HCN4: variants seen among roughly 807,000 people sequenced by gnomAD.
The protein encoded by HCN4 is hyperpolarization activated cyclic nucleotide gated potassium channel 4.
A neutral mutation model predicts 76.9 loss-of-function variants in HCN4; 29 were observed. That is an observed-to-expected ratio of 0.38 (90% CI 0.28 to 0.51). HCN4 has a LOEUF of 0.51. HCN4 is among the 20% of genes least tolerant of loss of function. HCN4 has a pLI of 0.90. For synonymous variants in HCN4, 772 were observed against 762.5 expected (o/e 1.01, Z -0.21); for missense variants, 1,416 against 1,715.2 (o/e 0.83, Z 3.08).
rs2043141560 is a variant in HCN4 at position 73,368,513 on chromosome 15, G to A, written c.-243C>T. 3.0e-6 allele frequency: 1 copy of A among 327,894 alleles called. No individual in the cohort carries two copies. Among genetic ancestry groups the A allele is most frequent in the South Asian group, 1.5e-4 (1 of 6,736 alleles). The allele number at this position is 327,894 out of a possible 1,614,324, so 20.3% of individuals were successfully genotyped here. A position where few individuals can be genotyped will look rare whatever the true frequency, so the allele number is the denominator to read the frequency against. On this transcript the variant is annotated 5_prime_UTR_variant, in exon 1 of 8. Coordinates refer to ENST00000261917, the MANE Select transcript of HCN4 (RefSeq NM_005477.3). This position sits in a 1 kb window ranked among gnomAD's most constrained non-coding sequence, Gnocchi z 6.9. ...GGGCCCGGCTGGGCGCGGGGACCCC[G>A]CGCTCCCTTCTTGCCTCCCTCCCTC... is the stretch of plus-strand genomic sequence containing the variant.
At chr15:73,351,346 T>G (rs2043054358) in intron 1 of HCN4, among the ~76,000 whole-genome samples, 1 of 152,048 alleles carries the variant, frequency 6.6e-6, no homozygotes, top group Admixed American at 6.6e-5. Flanking sequence ...ACCATACCCC[T>G]CTCTTGAACT....
chr15:73,330,310 C>A (rs1261010900), intron 3 of HCN4, among the ~76,000 whole-genome samples: 1 of 152,234 alleles, frequency 6.6e-6, no homozygotes, highest in African/African-American at 2.4e-5. Context: ...AGCTAACGGG[C>A]CTCCTGCATG....
rs1437156448 is a variant in HCN4 at position 73,367,367 on chromosome 15, C to T, written c.785+119G>A. ...GTCTCGGAGCCTAGAGGCGCCCTGC[C>T]TCTCTTGGAGCTCCCAGCGCAAGGC... On this transcript the variant is annotated intron_variant, in intron 1 of 7. Transcript: ENST00000261917. The surrounding 1 kb of genome is among the most constrained non-coding windows in gnomAD (Gnocchi z 7.5). 1 of 1,496,916 alleles carries T rather than the reference C, an allele frequency of 6.7e-7. No individual in the cohort carries two copies. The highest frequency in any genetic ancestry group is 1.3e-5 in the South Asian group (1 of 78,848). The allele number at this position is 1,496,916 out of a possible 1,614,324, so 92.7% of individuals were successfully genotyped here. A position where few individuals can be genotyped will look rare whatever the true frequency, so the allele number is the denominator to read the frequency against.
chr15:73,338,005 G>A (rs981663065), intron 2 of HCN4, among the ~76,000 whole-genome samples: 3 of 152,188 alleles, frequency 2.0e-5, no homozygotes, highest in African/African-American at 7.2e-5. Context: ...CAAAGCTGGA[G>A]CGCCAACAAC....
intron 1 of HCN4, among the ~76,000 whole-genome samples, chr15:73,357,185 T>G (rs1359873526): frequency 1.3e-5 from 2 of 152,134 alleles, no homozygotes; most frequent in Non-Finnish European, 2.9e-5. Flanking sequence ...TCTGGTCCCA[T>G]TTTCAGAGGA....
In HCN4 at chr15:73,367,409, G is replaced by A. The variant is rs1056070367; in HGVS notation, c.785+77C>T. ...GCGCAAGGCAGGAAAGTTAACTCCGGCTGGGAGGCAGGGTCAGGAGGAGGC... is the reference window on the plus strand; with the variant it reads ...GCGCAAGGCAGGAAAGTTAACTCCGACTGGGAGGCAGGGTCAGGAGGAGGC... On this transcript the variant is annotated intron_variant, in intron 1 of 7. Transcript: ENST00000261917. This position sits in a 1 kb window ranked among gnomAD's most constrained non-coding sequence, Gnocchi z 7.5. 4.4e-6 allele frequency: 7 copies of A among 1,602,704 alleles called. No homozygotes were observed. The highest frequency in any genetic ancestry group is 2.2e-5 in the South Asian group (2 of 89,926).
intron 1 of HCN4, among the ~76,000 whole-genome samples, chr15:73,362,979 GC>G (rs1233481646): frequency 3.9e-5 from 6 of 152,204 alleles, no homozygotes; most frequent in Admixed American, 3.9e-4. Flanking sequence ...AGCTCCAGCA[GC>G]CCCTGCCTTG....
intron 3 of HCN4, among the ~76,000 whole-genome samples, chr15:73,331,690 C>T (rs963704955): frequency 8.5e-5 from 13 of 152,176 alleles, no homozygotes; most frequent in African/African-American, 2.9e-4. Flanking sequence ...AGGGATCCCC[C>T]TGCCTCGGCC....
In HCN4 at chr15:73,321,792, G is replaced by A. The variant is rs543984139; in HGVS notation, c.*689C>T. ...AGCCTGTGGGCCAAGGCGGGTTGCTGGGTGTAAGGTGACCTGGGCATCCTG... is the reference window on the plus strand; with the variant it reads ...AGCCTGTGGGCCAAGGCGGGTTGCTAGGTGTAAGGTGACCTGGGCATCCTG... On this transcript the variant is annotated 3_prime_UTR_variant, in exon 8 of 8. Transcript: ENST00000261917. 1 of 154,160 alleles carries A rather than the reference G, an allele frequency of 6.5e-6. No homozygotes were observed. Among genetic ancestry groups the A allele is most frequent in the South Asian group, 2.1e-4 (1 of 4,862 alleles). 9.5% of individuals were successfully genotyped at this position (154,160 alleles called of 1,614,324 possible).
Position 73,324,176 on chromosome 15 carries a change from C to T in HCN4, c.2056G>A (p.Val686Met), listed in dbSNP as rs550848544. 1 of 1,614,128 alleles carries T rather than the reference C, an allele frequency of 6.2e-7. No homozygotes were observed. The highest frequency in any genetic ancestry group is 2.2e-5 in the East Asian group (1 of 44,868). Residue 686 changes from valine (V) to methionine (M), a missense_variant, in exon 7 of 8, where the codon GTG (valine) becomes ATG (methionine). Physicochemically the swap from Val to Met is conservative, Grantham distance 21. This residue lies in a region of HCN4 where 241 missense variants were observed against 379.4 expected (regional missense o/e 0.64). Transcript: ENST00000261917. ...TCCAGCACCTCATTGAAGTTGTCCA[C>T]GCTCAGCGAGTAGAGGCGGCAGTAG... ...DTYCRLYSLSVDNFNEVLEEY... is the reference protein window; with the variant it reads ...DTYCRLYSLSMDNFNEVLEEY...
chr15:73,323,072 C>A lies in HCN4; in HGVS notation c.3021G>T (p.Val1007=). The change falls in exon 8 of 8, where the codon GTG becomes GTT. Residue 1007 remains valine (V), a synonymous_variant. Coordinates refer to ENST00000261917, the MANE Select transcript of HCN4 (RefSeq NM_005477.3). The part of the protein sequence containing the change: ...PPRQPEPPSL[V]AGASGGASPV... ...GGGAAGCCCCCCCAGAGGCCCCTGC[C>A]ACAAGGGACGGCGGCTCAGGCTGCC... The A allele has an allele frequency of 6.4e-7, 1 of 1,559,102 alleles. No individual in the cohort carries two copies. The highest frequency in any genetic ancestry group is 8.6e-7 in the Non-Finnish European group (1 of 1,156,898).
intron 1 of HCN4, among the ~76,000 whole-genome samples, chr15:73,350,379 C>A (rs1316229866): frequency 6.6e-6 from 1 of 152,132 alleles, no homozygotes; most frequent in African/African-American, 2.4e-5. Context: ...AACCTCAGAC[C>A]AGTCCTACTA....
chr15:73,346,137 C>T (rs2043028734), intron 1 of HCN4, among the ~76,000 whole-genome samples: 1 of 152,142 alleles, frequency 6.6e-6, no homozygotes, highest in Non-Finnish European at 1.5e-5. Context: ...GGGTCGGGAT[C>T]CTGGATCATT....
intron 3 of HCN4, among the ~76,000 whole-genome samples, chr15:73,330,544 CAT>C (rs1281025897): frequency 1.3e-5 from 2 of 152,214 alleles, no homozygotes; most frequent in African/African-American, 2.4e-5. Flanking sequence ...GCCACCCTCA[CAT>C]AGAGAGGACA....
In HCN4 at chr15:73,322,693, C is replaced by T. The variant is rs938783937; in HGVS notation, c.3400G>A (p.Gly1134Ser). The T allele has an allele frequency of 6.3e-7, 1 of 1,579,142 alleles. No homozygotes were observed. The highest frequency in any genetic ancestry group is 8.6e-7 in the Non-Finnish European group (1 of 1,163,248). Reference sequence around the variant, plus strand: ...TAGGGCCTCCCAGGGGGACCGAGGCCCCCGCTGCTCCCACTGCCCCCGCTG... The same window carrying T: ...TAGGGCCTCCCAGGGGGACCGAGGCTCCCGCTGCTCCCACTGCCCCCGCTG... ...GGSGGSGSSG[G>S]LGPPGRPYGA... The change falls in exon 8 of 8, where the codon GGC (glycine) becomes AGC (serine). Residue 1134 changes from glycine to serine, a missense_variant. Physicochemically the swap from Gly to Ser is moderately conservative, Grantham distance 56. Around this residue, in one of 6 missense-constraint regions of HCN4, gnomAD observed 633 missense variants for 579.8 expected, o/e 1.09. Coordinates refer to ENST00000261917, the MANE Select transcript of HCN4 (RefSeq NM_005477.3).
chr15:73,323,736 G>T lies in HCN4; in HGVS notation c.2357C>A (p.Ala786Asp). The stretch of plus-strand genomic sequence containing the variant: ...GGCTATGGCCACAGAAGTGGTGGCA[G>T]CGGCAGCCTGCAGTGGTGCCTGGAT... ...PLIQAPLQAA[A>D]ATTSVAIALT... The change falls in exon 8 of 8, where the codon GCT becomes GAT. Residue 786 changes from alanine (A) to aspartate (D), a missense_variant. Ala to Asp is a moderately radical substitution (Grantham distance 126). Transcript: ENST00000261917. The T allele has an allele frequency of 6.2e-7, 1 of 1,604,364 alleles. No homozygotes were observed.
chr15:73,357,476 A>G (rs1277512734), intron 1 of HCN4, among the ~76,000 whole-genome samples: 1 of 152,034 alleles, frequency 6.6e-6, no homozygotes, highest in Admixed American at 6.6e-5. Context: ...TGCAGTCTGC[A>G]TGGGTCCTCA....
chr15:73,359,378 T>C (rs771089581), intron 1 of HCN4, among the ~76,000 whole-genome samples: 1 of 152,158 alleles, frequency 6.6e-6, no homozygotes, highest in African/African-American at 2.4e-5. Context: ...TGAGATTTGG[T>C]GGCTCTGGCG....
intron 2 of HCN4, among the ~76,000 whole-genome samples, chr15:73,332,987 A>C (rs2042941450): frequency 6.6e-6 from 1 of 152,234 alleles, no homozygotes; most frequent in African/African-American, 2.4e-5. Flanking sequence ...GTGTTCAATA[A>C]ATTACAAACC....
Sources: allele counts gnomAD v4.1 joint callset (sites outside exome capture counted in the v4.1 genomes callset), GRCh38; gene constraint gnomAD v4.1.1; regional missense constraint gnomAD v4.1.1; non-coding constraint Gnocchi (gnomAD v3.1); transcripts MANE v1.5; gene names NCBI Gene and HGNC (gene_info 2026-07-23, HGNC 2026-07-21).